The following SGCZ variants were observed in gnomAD, a reference collection of about 807,000 sequenced individuals.
SGCZ encodes zeta-sarcoglycan.
In SGCZ, 40 loss-of-function variants were observed where a neutral mutation model predicts 41.3. That is an observed-to-expected ratio of 0.97 (90% CI 0.75 to 1.26). SGCZ has a LOEUF of 1.26. SGCZ is among the 50% of genes most tolerant of loss of function. SGCZ has a pLI of 0.00. For synonymous variants in SGCZ, 206 were observed against 137.5 expected (o/e 1.50, Z -3.49); for missense variants, 552 against 369.8 (o/e 1.49, Z -4.04).
At chr8:15,064,479 A>G (rs890856938) in intron 1 of SGCZ, among the ~76,000 whole-genome samples, 1 of 149,642 alleles carries the variant, frequency 6.7e-6, no homozygotes, top group African/African-American at 2.5e-5. Flanking sequence ...TAGAGCTTCA[A>G]CCTTGTATTT....
intron 1 of SGCZ, among the ~76,000 whole-genome samples, chr8:15,206,638 G>C (rs1389597668): frequency 1.3e-5 from 2 of 151,960 alleles, no homozygotes; most frequent in Non-Finnish European, 2.9e-5. Context: ...CAGTAGAGAC[G>C]GTGTTTCACC....
At chr8:14,325,396 G>T (rs1802057167) in intron 2 of SGCZ, among the ~76,000 whole-genome samples, 1 of 151,084 alleles carries the variant, frequency 6.6e-6, no homozygotes, top group African/African-American at 2.4e-5. Context: ...AGTAAAATTT[G>T]TAGGCTCAAT....
chr8:14,632,072 G>A (rs1230651118), intron 1 of SGCZ, among the ~76,000 whole-genome samples: 3 of 151,998 alleles, frequency 2.0e-5, no homozygotes, highest in African/African-American at 4.8e-5. Context: ...TTGAAAGAGT[G>A]CAGTGGCACA....
At chr8:14,829,543 C>A (rs891717762) in intron 1 of SGCZ, among the ~76,000 whole-genome samples, 2 of 152,118 alleles carry the variant, frequency 1.3e-5, no homozygotes, top group African/African-American at 4.8e-5. Context: ...GAAAATATAG[C>A]ATAACCTTTG....
chr8:15,097,472 G>C lies in SGCZ; in HGVS notation c.39+140113C>G, dbSNP rs60229758. Among the ~76,000 whole-genome samples, 470 of 152,026 alleles carry C rather than the reference G, an allele frequency of 3.1e-3. 2 individuals are homozygous for C. Among genetic ancestry groups the C allele is most frequent in the African/African-American group, 0.011 (455 of 41,470 alleles). ...AAAAAAAAATCCCATTGCTAGGATG[G>C]GCATGGTTGCTCAAGCCTGTTGTCC... is the stretch of plus-strand genomic sequence containing the variant. On this transcript the variant is annotated intron_variant, in intron 1 of 7. Transcript: ENST00000382080.
At chr8:14,218,819 G>A (rs530026859) in intron 4 of SGCZ, among the ~76,000 whole-genome samples, 2 of 152,310 alleles carry the variant, frequency 1.3e-5, no homozygotes, top group African/African-American at 4.8e-5. Context: ...GTACAGTGTT[G>A]TGGTGGTCCA....
chr8:14,877,789 C>T (rs951316622), intron 1 of SGCZ, among the ~76,000 whole-genome samples: 1 of 152,100 alleles, frequency 6.6e-6, no homozygotes, highest in South Asian at 2.1e-4. Flanking sequence ...TATATTTATT[C>T]GTTTTTTTAT....
chr8:14,424,019 G>T (rs1362936827), intron 2 of SGCZ, among the ~76,000 whole-genome samples: 1 of 152,124 alleles, frequency 6.6e-6, no homozygotes, highest in African/African-American at 2.4e-5. Flanking sequence ...TGGGGAAGAG[G>T]AGTAATTGAA....
chr8:15,143,687 T>C (rs1798961324), intron 1 of SGCZ, among the ~76,000 whole-genome samples: 1 of 152,222 alleles, frequency 6.6e-6, no homozygotes, highest in Non-Finnish European at 1.5e-5. Context: ...GCTCAGTTTT[T>C]GCATCTCTAA....
intron 6 of SGCZ, among the ~76,000 whole-genome samples, chr8:14,106,798 G>A (rs1196521241): frequency 6.6e-6 from 1 of 152,148 alleles, no homozygotes; most frequent in South Asian, 2.1e-4. Flanking sequence ...TATGTGACTA[G>A]TTTTTATCAG....
intron 3 of SGCZ, among the ~76,000 whole-genome samples, chr8:14,283,425 A>G (rs935006582): frequency 2.0e-5 from 3 of 152,138 alleles, no homozygotes; most frequent in African/African-American, 7.2e-5. Context: ...TCGTTCAACA[A>G]ATGTTCATTT....
At chr8:14,491,392 G>C (rs1316687876) in intron 2 of SGCZ, among the ~76,000 whole-genome samples, 2 of 152,000 alleles carry the variant, frequency 1.3e-5, no homozygotes, top group Non-Finnish European at 2.9e-5. Context: ...TATCAGGACT[G>C]TTCAAATGAG....
chr8:15,197,956 A>G (rs779079357), intron 1 of SGCZ, among the ~76,000 whole-genome samples: 31 of 149,752 alleles, frequency 2.1e-4, no homozygotes, highest in Admixed American at 1.3e-4. Context: ...TACATACCAT[A>G]TTTACATTAT....
chr8:14,121,471 G>A (rs143070253), intron 5 of SGCZ, among the ~76,000 whole-genome samples: 100 of 152,074 alleles, frequency 6.6e-4, no homozygotes, highest in African/African-American at 2.3e-3. Context: ...TTAATTAATT[G>A]TTTTTAAAAA....
At chr8:15,072,290 C>T (rs1196443029) in intron 1 of SGCZ, among the ~76,000 whole-genome samples, 2 of 151,944 alleles carry the variant, frequency 1.3e-5, no homozygotes, top group Non-Finnish European at 2.9e-5. Flanking sequence ...TCAAGGTGGA[C>T]GTAAGTCTTT....
intron 1 of SGCZ, among the ~76,000 whole-genome samples, chr8:15,051,830 T>G (rs7844246): frequency 0.095 from 14,512 of 152,170 alleles, 1,515 homozygotes; most frequent in African/African-American, 0.26. Flanking sequence ...CATCAAAAAG[T>G]CAAACTGCAC....
chr8:14,556,342 A>G (rs920002174), intron 1 of SGCZ, among the ~76,000 whole-genome samples: 3 of 151,756 alleles, frequency 2.0e-5, no homozygotes, highest in South Asian at 2.1e-4. Context: ...AATATTAATA[A>G]GTAATTAAAT....
chr8:14,211,967 G>A (rs959202926), intron 4 of SGCZ, among the ~76,000 whole-genome samples: 3 of 152,182 alleles, frequency 2.0e-5, no homozygotes, highest in Admixed American at 2.0e-4. Context: ...TCTCAGTCCT[G>A]AGGTGGAAGA....
chr8:14,920,285 AT>A (rs142701189), intron 1 of SGCZ, among the ~76,000 whole-genome samples: 3 of 152,292 alleles, frequency 2.0e-5, no homozygotes, highest in Non-Finnish European at 2.9e-5. Context: ...CTATAATAAG[AT>A]TTCAAAGTGG....
Sources: allele counts gnomAD v4.1 joint callset (sites outside exome capture counted in the v4.1 genomes callset), GRCh38; gene constraint gnomAD v4.1.1; transcripts MANE v1.5; gene names NCBI Gene and HGNC (gene_info 2026-07-23, HGNC 2026-07-21).